The following CABLES1 variants were observed in gnomAD, a reference collection of about 807,000 sequenced individuals.
CABLES1 encodes the protein CDK5 and ABL1 enzyme substrate 1.
In CABLES1, 36 loss-of-function variants were observed where a neutral mutation model predicts 57.8. The observed-to-expected ratio is 0.62, with a 90% CI of 0.48 to 0.82. The LOEUF is 0.82. Among genes scored for constraint, CABLES1 ranks in the 40% least tolerant of loss-of-function variants. The probability of loss-of-function intolerance (pLI) is 0.00; values close to 1 mark genes in which losing one functional copy is unlikely to be tolerated. For missense variants in CABLES1, 767 were observed against 836.6 expected, an observed-to-expected ratio of 0.92 and a Z score of 1.03; for synonymous variants, 374 against 363.0, an observed-to-expected ratio of 1.03 and a Z score of -0.35.
At chr18:23,235,707 A>AC (rs1367069413) in intron 5 of CABLES1, among the ~76,000 whole-genome samples, 188 bp from the exon 6 acceptor site, 1 of 152,216 alleles carries the variant, frequency 6.6e-6, no homozygotes, top group Non-Finnish European at 1.5e-5. Flanking sequence ...GCCTTATGTC[A>AC]GTTCAGGTTG....
chr18:23,179,594 T>C (rs1467934457), intron 1 of CABLES1, among the ~76,000 whole-genome samples: 1 of 152,262 alleles, frequency 6.6e-6, no homozygotes, highest in East Asian at 1.9e-4. Flanking sequence ...CCTGGTGACC[T>C]GGCCCGGCCA....
chr18:23,197,904 G>A (rs1598824665), intron 3 of CABLES1: 2 of 152,340 alleles, frequency 1.3e-5, no homozygotes, highest in East Asian at 1.9e-4. Flanking sequence ...TTACAAGGAT[G>A]ATAAGATGGT....
chr18:23,136,371 C>G lies in CABLES1; in HGVS notation c.609C>G (p.Ala203=). 2 of 1,530,266 alleles carry G rather than the reference C, an allele frequency of 1.3e-6. No homozygotes were observed. The highest frequency in any genetic ancestry group is 2.8e-5 in the African/African-American group (2 of 70,604). The allele number at this position is 1,530,266 out of a possible 1,614,324, so 94.8% of individuals were successfully genotyped here. The change falls in exon 1 of 10, where the codon GCC becomes GCG. Residue 203 remains alanine (A), a synonymous_variant. Coordinates refer to ENST00000256925, the MANE Select transcript of CABLES1 (RefSeq NM_001100619.3). ...AGCTGCTCGACGGGTCCGGGGCCGC[C>G]GGGCAGGAGGAGTTGGAGGAGGACG... ...QLQLLDGSGA[A]GQEELEEDDA...
chr18:23,255,557 A>AT (rs397858640), intron 9 of CABLES1, among the ~76,000 whole-genome samples: 3,842 of 132,528 alleles, frequency 0.029, 95 homozygotes, highest in African/African-American at 0.063. Context: ...TGAACTAATG[A>AT]TTTTTTTTTT....
At position 23,257,689 on chromosome 18, in the gene CABLES1, G is replaced by A. The variant is rs1040798105; in HGVS notation, c.*322G>A. 4 of 249,612 alleles carry A rather than the reference G, an allele frequency of 1.6e-5. No individual in the cohort carries two copies. The highest frequency in any genetic ancestry group is 2.1e-4 in the South Asian group (2 of 9,332). The allele number at this position is 249,612 out of a possible 1,614,324, so 15.5% of individuals were successfully genotyped here. A position where few individuals can be genotyped will look rare whatever the true frequency, so the allele number is the denominator to read the frequency against. On this transcript the variant is annotated 3_prime_UTR_variant, in exon 10 of 10. Transcript: ENST00000256925. ...CCCGGCATTCACAAACTTTGCAAGC[G>A]TGGTCCAGGGCCTTCTCCAGATCTG...
intron 7 of CABLES1, among the ~76,000 whole-genome samples, chr18:23,242,704 C>T (rs984458854): frequency 4.0e-5 from 6 of 149,994 alleles, no homozygotes; most frequent in South Asian, 2.1e-4. Context: ...AAAAGAAAAC[C>T]GACTAACATT....
intron 1 of CABLES1, among the ~76,000 whole-genome samples, chr18:23,143,779 TGTG>T (rs1216951250): frequency 6.6e-6 from 1 of 151,806 alleles, no homozygotes; most frequent in Non-Finnish European, 1.5e-5. Context: ...GCCTGGATAA[TGTG>T]GTGGCCCGAG....
At chr18:23,193,585 C>T (rs764195702) in intron 2 of CABLES1, among the ~76,000 whole-genome samples, 30 of 152,154 alleles carry the variant, frequency 2.0e-4, no homozygotes, top group Non-Finnish European at 3.8e-4. Flanking sequence ...AAAGGTTTTT[C>T]GGTAGCAAAA....
At chr18:23,208,609 G>A (rs994112419) in intron 3 of CABLES1, among the ~76,000 whole-genome samples, 90 of 152,332 alleles carry the variant, frequency 5.9e-4, no homozygotes, top group African/African-American at 2.0e-3. Context: ...TCTGTGCACA[G>A]CACTCATAGT....
intron 1 of CABLES1, among the ~76,000 whole-genome samples, chr18:23,166,742 C>T (rs1354650844): frequency 6.6e-6 from 1 of 152,164 alleles, no homozygotes; most frequent in Non-Finnish European, 1.5e-5. Context: ...GATCAAACAG[C>T]ATGTACTATG....
chr18:23,155,843 TGTTTGAATGACTCATAAAATGA>T, intron 1 of CABLES1: 1 of 1,611,348 alleles, frequency 6.2e-7, no homozygotes, highest in Non-Finnish European at 8.5e-7. Flanking sequence ...TTCTTCCTGG[TGTTTGAATGACTCATAAAATGA>T]GTTTGGAGTG....
At chr18:23,228,603 C>CAT (rs2047544482) in intron 4 of CABLES1, among the ~76,000 whole-genome samples, 1 of 152,130 alleles carries the variant, frequency 6.6e-6, no homozygotes, top group East Asian at 1.9e-4. Context: ...AACGGTATAA[C>CAT]TGCTGCTTGG....
chr18:23,194,374 CTGTCTT>C (rs2047266557), intron 2 of CABLES1, 68 bp from the exon 3 acceptor site: 1 of 910,772 alleles, frequency 1.1e-6, no homozygotes, highest in Non-Finnish European at 1.8e-6. Context: ...TCCTTCCTTC[CTGTCTT>C]TATGTGGAGA....
At chr18:23,233,239 T>G (rs1001431765) in intron 4 of CABLES1, among the ~76,000 whole-genome samples, 3 of 152,146 alleles carry the variant, frequency 2.0e-5, no homozygotes, top group Non-Finnish European at 4.4e-5. Flanking sequence ...GATAACAGTT[T>G]GTCAGAGATC....
intron 1 of CABLES1, among the ~76,000 whole-genome samples, chr18:23,165,613 A>T (rs75288147): frequency 1.1e-3 from 161 of 152,226 alleles, no homozygotes; most frequent in African/African-American, 3.7e-3. Context: ...AAGTGGAATC[A>T]CAGAGTTTGT....
intron 3 of CABLES1, among the ~76,000 whole-genome samples, chr18:23,203,329 G>A (rs2047339504): frequency 6.6e-6 from 1 of 152,076 alleles, no homozygotes. Flanking sequence ...GTCCTCAGCA[G>A]TAAGTCGACT....
At position 23,136,426 on chromosome 18, in the gene CABLES1, G is replaced by A. The variant is rs375982901; in HGVS notation, c.664G>A (p.Ala222Thr). The A allele has an allele frequency of 2.5e-6, 4 of 1,601,594 alleles. No homozygotes were observed. Among genetic ancestry groups the A allele is most frequent in the Non-Finnish European group, 2.6e-6 (3 of 1,175,568 alleles). Residue 222 changes from alanine to threonine, a missense_variant, in exon 1 of 10, where the codon GCC becomes ACC. Physicochemically the swap from Ala to Thr is moderately conservative, Grantham distance 58 (BLOSUM62 0). Coordinates refer to ENST00000256925, the MANE Select transcript of CABLES1 (RefSeq NM_001100619.3). ...DAFISVQVPAAAFLGSGTPGS... is the reference protein window; with the variant it reads ...DAFISVQVPATAFLGSGTPGS... Reference sequence around the variant, plus strand: ...CTTTATCAGCGTGCAGGTGCCGGCGGCCGCCTTTTTGGGCTCCGGGACCCC... The same window carrying A: ...CTTTATCAGCGTGCAGGTGCCGGCGACCGCCTTTTTGGGCTCCGGGACCCC...
At chr18:23,222,566 A>G (rs1568074450) in intron 4 of CABLES1, among the ~76,000 whole-genome samples, 9 of 148,342 alleles carry the variant, frequency 6.1e-5, no homozygotes, top group Admixed American at 4.7e-4. Flanking sequence ...ATATAGATAT[A>G]TATAGATTAG....
In CABLES1 at chr18:23,154,685, G is replaced by GA. The variant is rs528603234; in HGVS notation, c.845+18080dup. 1.4e-4 allele frequency among the ~76,000 whole-genome samples: 21 copies of GA among 152,270 alleles called. No individual in the cohort carries two copies. In the South Asian group the frequency reaches 3.7e-3, roughly 27 times the overall value. ...ATGTCACCATGTCAGCAAGGGATTT[G>GA]AACTTTAGAGAATTGAGTTTTCTCA... On this transcript the variant is annotated intron_variant, in intron 1 of 9. Coordinates refer to ENST00000256925, the MANE Select transcript of CABLES1 (RefSeq NM_001100619.3).
Sources: gnomAD v4.1 joint callset for allele counts (sites outside exome capture counted in the v4.1 genomes callset) on GRCh38, gnomAD v4.1.1 for gene constraint, MANE v1.5 for transcripts, NCBI Gene and HGNC (gene_info 2026-07-23, HGNC 2026-07-21) for gene names.